COP1: variants seen among roughly 807,000 people sequenced by gnomAD.
The protein encoded by COP1 is E3 ubiquitin-protein ligase COP1.
Under a neutral mutation model 101.3 loss-of-function variants are expected in COP1, and 24 were observed. That is an observed-to-expected ratio of 0.24 (90% CI 0.17 to 0.33). The LOEUF (loss-of-function observed/expected upper bound fraction) is 0.33, where lower values mean the gene tolerates loss of function less well. Ranked by LOEUF, COP1 falls within the 10% of genes least tolerant of loss-of-function variation. The probability of loss-of-function intolerance (pLI) is 1.00; values close to 1 mark genes in which losing one functional copy is unlikely to be tolerated. For synonymous variants in COP1, 347 were observed against 341.9 expected (o/e 1.01, Z -0.17); for missense variants, 663 against 906.2 (o/e 0.73, Z 3.45).
intron 6 of COP1, among the ~76,000 whole-genome samples, chr1:176,142,747 T>C (rs1324593608): frequency 6.6e-6 from 1 of 151,054 alleles, no homozygotes; most frequent in African/African-American, 2.4e-5. Context: ...AATGTTCAAG[T>C]AATAAGACAT....
chr1:176,094,162 T>C (rs1572192311), intron 9 of COP1, among the ~76,000 whole-genome samples: 1 of 152,186 alleles, frequency 6.6e-6, no homozygotes, highest in East Asian at 1.9e-4. Flanking sequence ...AACACTGTTT[T>C]GTTTTACTTA....
intron 15 of COP1, among the ~76,000 whole-genome samples, chr1:175,998,063 T>TAAAAAAAAAAAAAAAAAAAAAAAA (rs57110017): frequency 3.0e-5 from 2 of 66,802 alleles, no homozygotes; most frequent in African/African-American, 7.9e-5. Flanking sequence ...AGAGTATAAT[T>TAAAAAAAAAAAAAAAAAAAAAAAA]AAAAAAAAAA....
At chr1:175,973,006 A>G (rs1442649696) in intron 18 of COP1, among the ~76,000 whole-genome samples, 2 of 146,426 alleles carry the variant, frequency 1.4e-5, no homozygotes, top group Non-Finnish European at 1.5e-5. Context: ...GTAATTTTGT[A>G]TTTTCAGTAG....
intron 14 of COP1, among the ~76,000 whole-genome samples, chr1:176,028,984 G>A (rs1668216813): frequency 6.6e-6 from 1 of 151,350 alleles, no homozygotes; most frequent in African/African-American, 2.4e-5. Flanking sequence ...AAACTCCTGG[G>A]CTCAAGCAAT....
At chr1:176,070,376 C>T (rs1355970061) in intron 11 of COP1, among the ~76,000 whole-genome samples, 2 of 145,988 alleles carry the variant, frequency 1.4e-5, no homozygotes, top group African/African-American at 5.1e-5. Context: ...ATTAAAAACT[C>T]TGCCAGCCAG....
At chr1:175,965,985 G>A (rs1651972254) in intron 18 of COP1, among the ~76,000 whole-genome samples, 1 of 152,132 alleles carries the variant, frequency 6.6e-6, no homozygotes, top group African/African-American at 2.4e-5. Context: ...AACCAAGTGA[G>A]AGTCCATACA....
chr1:175,992,641 C>T (rs1371313782), intron 15 of COP1, among the ~76,000 whole-genome samples: 1 of 152,230 alleles, frequency 6.6e-6, no homozygotes, highest in Non-Finnish European at 1.5e-5. Flanking sequence ...GTCTCGCTGA[C>T]TGCAAGCACA....
intron 14 of COP1, among the ~76,000 whole-genome samples, chr1:176,041,524 T>C (rs1670529343): frequency 1.3e-5 from 2 of 152,080 alleles, no homozygotes; most frequent in Non-Finnish European, 2.9e-5. Flanking sequence ...AATTTTTGTA[T>C]TTTTAGTAGA....
chr1:176,003,627 T>C (rs1397806050), intron 15 of COP1, among the ~76,000 whole-genome samples: 4 of 152,154 alleles, frequency 2.6e-5, no homozygotes, highest in Non-Finnish European at 5.9e-5. Flanking sequence ...CCATTGCTTG[T>C]TTTTCTCAGG....
chr1:176,123,388 A>G (rs961543100), intron 8 of COP1, among the ~76,000 whole-genome samples: 3 of 152,216 alleles, frequency 2.0e-5, no homozygotes, highest in African/African-American at 7.2e-5. Context: ...AAGTTTTACC[A>G]TGTGCAGCTT....
chr1:176,095,184 A>C (rs1682101249), intron 9 of COP1, among the ~76,000 whole-genome samples: 1 of 152,232 alleles, frequency 6.6e-6, no homozygotes, highest in Non-Finnish European at 1.5e-5. Flanking sequence ...ATACATACAA[A>C]ATAATAAAAC....
At chr1:176,049,446 T>G (rs1672152423) in intron 11 of COP1, among the ~76,000 whole-genome samples, 1 of 152,078 alleles carries the variant, frequency 6.6e-6, no homozygotes, top group Admixed American at 6.5e-5. Context: ...TTTAAAAATA[T>G]TTTGGGGGTA....
At chr1:176,180,770 A>G (rs979315102) in intron 2 of COP1, among the ~76,000 whole-genome samples, 1 of 152,250 alleles carries the variant, frequency 6.6e-6, no homozygotes, top group Non-Finnish European at 1.5e-5. Flanking sequence ...AACTATAACA[A>G]GAACAGCCAG....
At chr1:176,152,000 C>G (rs1415413774) in intron 5 of COP1, among the ~76,000 whole-genome samples, 1 of 150,362 alleles carries the variant, frequency 6.7e-6, no homozygotes, top group Admixed American at 6.6e-5. Context: ...ATGGCATACG[C>G]AAGTTATTTA....
chr1:176,006,547 G>T (rs1028550804), intron 15 of COP1, among the ~76,000 whole-genome samples: 16 of 152,174 alleles, frequency 1.1e-4, no homozygotes, highest in African/African-American at 3.6e-4. Flanking sequence ...AGGCCTGGTG[G>T]TGACAAAATC....
intron 18 of COP1, among the ~76,000 whole-genome samples, chr1:175,961,695 C>CAA (rs3034815): frequency 1.1e-3 from 78 of 69,346 alleles, no homozygotes; most frequent in African/African-American, 3.0e-3. Context: ...GACCCTGTCT[C>CAA]AAAAAAAAAA....
At chr1:176,075,857 G>A (rs1175317527) in intron 11 of COP1, among the ~76,000 whole-genome samples, 1 of 151,934 alleles carries the variant, frequency 6.6e-6, no homozygotes, top group Non-Finnish European at 1.5e-5. Flanking sequence ...ACAAAAATTA[G>A]CCAGGCATGG....
intron 1 of COP1, among the ~76,000 whole-genome samples, chr1:176,199,655 G>GA (rs767398470): frequency 3.3e-5 from 5 of 152,016 alleles, no homozygotes; most frequent in Non-Finnish European, 7.4e-5. Context: ...TATACCAAAC[G>GA]AAAGAAACCA....
rs114928530 is a variant in COP1, at chr1:176,143,626, A to G, written c.831+5380T>C. Among the ~76,000 whole-genome samples the G allele has an allele frequency of 8.8e-3, 1,343 of 152,194 alleles. 10 individuals carry two copies. The highest frequency in any genetic ancestry group is 0.013 in the Non-Finnish European group (898 of 67,988). On this transcript the variant is annotated intron_variant, in intron 6 of 19. Coordinates refer to ENST00000367669, the MANE Select transcript of COP1 (RefSeq NM_022457.7). ...AATATAAGCAAACCAAACCATATAG[A>G]AGAGAATATACATAACGGCCAAGTT...
Sources: gnomAD v4.1 joint callset for allele counts (sites outside exome capture counted in the v4.1 genomes callset) on GRCh38, gnomAD v4.1.1 for gene constraint, MANE v1.5 for transcripts, NCBI Gene and HGNC (gene_info 2026-07-23, HGNC 2026-07-21) for gene names.